The following SLCO3A1 variants were observed in gnomAD, a reference collection of about 807,000 sequenced individuals.
The protein encoded by SLCO3A1 is solute carrier organic anion transporter family member 3A1.
A neutral mutation model predicts 63.1 loss-of-function variants in SLCO3A1; 27 were observed. The ratio of observed to expected loss-of-function variants is 0.43; its 90% confidence interval spans 0.32 to 0.59. The LOEUF (loss-of-function observed/expected upper bound fraction) is 0.59. Ranked by LOEUF, SLCO3A1 falls within the 20% of genes least tolerant of loss-of-function variation. The pLI, the probability that SLCO3A1 is intolerant of heterozygous loss-of-function variation, is 0.09. For synonymous variants in SLCO3A1, 473 were observed against 409.9 expected, an observed-to-expected ratio of 1.15 and a Z score of -1.86; for missense variants, 773 against 945.8, an observed-to-expected ratio of 0.82 and a Z score of 2.40.
Position 91,970,495 on chromosome 15 carries a change from T to C in SLCO3A1, c.646+54037T>C, listed in dbSNP as rs527386100. Among the ~76,000 whole-genome samples, 3 of 152,262 alleles carry C rather than the reference T, an allele frequency of 2.0e-5. No individual in the cohort carries two copies. In the South Asian group the frequency reaches 6.2e-4, roughly 32 times the overall value. On this transcript the variant is annotated intron_variant, in intron 2 of 9. Coordinates refer to ENST00000318445, the MANE Select transcript of SLCO3A1 (RefSeq NM_013272.4). ...CAACACACGAGAGTCAACATGGAAC[T>C]TGAGGTCTGTGAGCGTTTGCTGAGC... is the stretch of plus-strand genomic sequence containing the variant.
At chr15:92,114,202 C>G (rs1696610323) in intron 4 of SLCO3A1, among the ~76,000 whole-genome samples, 1 of 152,186 alleles carries the variant, frequency 6.6e-6, no homozygotes, top group Admixed American at 6.5e-5. Context: ...TCCACCCAGA[C>G]AGTGAACCTG....
intron 7 of SLCO3A1, among the ~76,000 whole-genome samples, chr15:92,138,034 C>A (rs1295254173): frequency 9.0e-6 from 1 of 110,754 alleles, no homozygotes; most frequent in Non-Finnish European, 1.7e-5. Flanking sequence ...GTGTTTTGGA[C>A]ATGAAGTCCT....
intron 2 of SLCO3A1, among the ~76,000 whole-genome samples, chr15:91,932,648 G>A (rs112985413): frequency 0.012 from 1,830 of 152,200 alleles, 34 homozygotes; most frequent in African/African-American, 0.042. Context: ...TCACCATGTT[G>A]GCCAGGCTGG....
intron 2 of SLCO3A1, among the ~76,000 whole-genome samples, chr15:91,989,379 T>C (rs752049687): frequency 1.3e-5 from 2 of 152,238 alleles, no homozygotes; most frequent in Non-Finnish European, 2.9e-5. Flanking sequence ...CCTTACCTTC[T>C]GCAGTTTTGT....
chr15:91,895,350 A>G lies in SLCO3A1; in HGVS notation c.181-20643A>G, dbSNP rs912649692. 3.9e-5 allele frequency among the ~76,000 whole-genome samples: 6 copies of G among 152,332 alleles called. 1 individual carries two copies. Among genetic ancestry groups the G allele is most frequent in the African/African-American group, 1.4e-4 (6 of 41,564 alleles). On this transcript the variant is annotated intron_variant, in intron 1 of 9. Coordinates refer to ENST00000318445, the MANE Select transcript of SLCO3A1 (RefSeq NM_013272.4). Reference sequence around the variant, plus strand: ...CCTCTAGCTGTGGGTTCATTTCTTCATGAAACAATGAACCAGGAAAGGAAG... The same window carrying G: ...CCTCTAGCTGTGGGTTCATTTCTTCGTGAAACAATGAACCAGGAAAGGAAG...
chr15:92,158,036 C>T (rs372836769), intron 9 of SLCO3A1, among the ~76,000 whole-genome samples: 4 of 152,214 alleles, frequency 2.6e-5, no homozygotes, highest in East Asian at 3.9e-4. Flanking sequence ...GAGTTCACAT[C>T]AAAGCCTACC....
intron 2 of SLCO3A1, among the ~76,000 whole-genome samples, chr15:91,928,433 C>T (rs747620987): frequency 3.9e-5 from 6 of 152,116 alleles, no homozygotes; most frequent in African/African-American, 7.2e-5. Context: ...GTGGCACGGC[C>T]CAAGCTACAG....
Position 92,160,462 on chromosome 15 carries a change from A to G in SLCO3A1, c.1754-2294A>G, listed in dbSNP as rs76963456. 7.9e-3 allele frequency among the ~76,000 whole-genome samples: 1,207 copies of G among 152,266 alleles called. 24 individuals carry two copies. Among genetic ancestry groups the G allele is most frequent in the African/African-American group, 0.027 (1,132 of 41,550 alleles). On this transcript the variant is annotated intron_variant, in intron 9 of 9. Coordinates refer to ENST00000318445, the MANE Select transcript of SLCO3A1 (RefSeq NM_013272.4). ...TGGGGAAGGGCTGAGACACCTGGGC[A>G]GCCTTTGGGATCACAGGGAATGCTA...
chr15:92,042,245 G>T (rs1210722009), intron 2 of SLCO3A1, among the ~76,000 whole-genome samples: 2 of 152,160 alleles, frequency 1.3e-5, no homozygotes, highest in Admixed American at 6.5e-5. Flanking sequence ...CACAGTGTCA[G>T]AAGTGTGCCA....
intron 2 of SLCO3A1, among the ~76,000 whole-genome samples, chr15:91,979,128 C>T (rs567361254): frequency 5.3e-5 from 8 of 152,230 alleles, no homozygotes; most frequent in South Asian, 4.1e-4. Context: ...AAGCATCAAG[C>T]GAGTTTACAT....
intron 3 of SLCO3A1, among the ~76,000 whole-genome samples, chr15:92,100,819 C>G (rs975643730): frequency 3.3e-5 from 5 of 152,206 alleles, no homozygotes; most frequent in African/African-American, 1.2e-4. Context: ...CTTCTTTGTG[C>G]TACATCCAGT....
intron 1 of SLCO3A1, among the ~76,000 whole-genome samples, chr15:91,898,020 AG>A (rs1898051872): frequency 2.0e-5 from 3 of 152,182 alleles, no homozygotes; most frequent in Admixed American, 6.5e-5. Flanking sequence ...GCTTGCGTTA[AG>A]GTGCCTCTCT....
intron 2 of SLCO3A1, among the ~76,000 whole-genome samples, chr15:91,930,060 G>A (rs528026847): frequency 6.6e-6 from 1 of 152,244 alleles, no homozygotes; most frequent in Admixed American, 6.5e-5. Context: ...GGTATCCTAA[G>A]GTGTGTTAAA....
intron 7 of SLCO3A1, among the ~76,000 whole-genome samples, chr15:92,136,773 G>A (rs922778578): frequency 1.3e-5 from 2 of 152,114 alleles, no homozygotes; most frequent in Non-Finnish European, 2.9e-5. Flanking sequence ...ATAGATGATT[G>A]CTGTCCTTGG....
intron 7 of SLCO3A1, among the ~76,000 whole-genome samples, chr15:92,143,041 G>C (rs535176368): frequency 1.9e-4 from 29 of 151,912 alleles, no homozygotes; most frequent in African/African-American, 4.3e-4. Flanking sequence ...ACATTCCTGA[G>C]AGACTGCGTG....
intron 2 of SLCO3A1, among the ~76,000 whole-genome samples, chr15:92,071,891 G>C (rs1281198956): frequency 4.6e-5 from 7 of 152,218 alleles, no homozygotes. Flanking sequence ...GCCTGGGCGT[G>C]ATGAGCTCTT....
intron 3 of SLCO3A1, among the ~76,000 whole-genome samples, chr15:92,103,657 A>G (rs752633948): frequency 7.2e-5 from 11 of 152,202 alleles, no homozygotes; most frequent in Non-Finnish European, 1.6e-4. Flanking sequence ...TGATCTTCCC[A>G]CTAAGTACTG....
intron 7 of SLCO3A1, among the ~76,000 whole-genome samples, chr15:92,141,045 G>A (rs1487593125): frequency 2.0e-5 from 3 of 152,088 alleles, no homozygotes; most frequent in Admixed American, 6.6e-5. Context: ...CCTGTCCTCC[G>A]GGTCAACAAA....
rs1047653661 is a variant in SLCO3A1, at chr15:91,900,993, G to A, written c.181-15000G>A. Reference sequence around the variant, plus strand: ...TGTCGATTTTTACTTCATGTATTATGGGGCTCTATTCTTAGGTTGATGTAG... The same window carrying A: ...TGTCGATTTTTACTTCATGTATTATAGGGCTCTATTCTTAGGTTGATGTAG... On this transcript the variant is annotated intron_variant, in intron 1 of 9. Transcript: ENST00000318445. The surrounding 1 kb of genome is among the most constrained non-coding windows in gnomAD (Gnocchi z 4.3). Among the ~76,000 whole-genome samples, 2 of 152,068 alleles carry A rather than the reference G, an allele frequency of 1.3e-5. No homozygotes were observed. The highest frequency in any genetic ancestry group is 4.8e-5 in the African/African-American group (2 of 41,406).
Sources: allele counts gnomAD v4.1 joint callset (sites outside exome capture counted in the v4.1 genomes callset), GRCh38; gene constraint gnomAD v4.1.1; non-coding constraint Gnocchi (gnomAD v3.1); transcripts MANE v1.5; gene names NCBI Gene and HGNC (gene_info 2026-07-23, HGNC 2026-07-21).